MTMR14: variants seen among roughly 807,000 people sequenced by gnomAD.
MTMR14 encodes phosphatidylinositol-3,5-bisphosphate 3-phosphatase MTMR14.
MTMR14 carries 48 observed loss-of-function variants against 86.3 expected under a neutral mutation model. The ratio of observed to expected loss-of-function variants is 0.56; its 90% CI spans 0.44 to 0.71. The LOEUF is 0.71. MTMR14 is among the 30% of genes least tolerant of loss of function. MTMR14 has a pLI of 0.00. For missense variants in MTMR14, 780 were observed against 834.6 expected (o/e 0.93, Z 0.81); for synonymous variants, 366 against 326.1 (o/e 1.12, Z -1.32).
chr3:9,698,529 T>G (rs530817737), intron 18 of MTMR14, among the ~76,000 whole-genome samples: 38 of 152,348 alleles, frequency 2.5e-4, no homozygotes, highest in African/African-American at 8.9e-4. Context: ...GCTCCTCAGC[T>G]GTGGTGCCTG....
At chr3:9,651,507 G>A (rs1171637003) in intron 1 of MTMR14, among the ~76,000 whole-genome samples, 1 of 152,052 alleles carries the variant, frequency 6.6e-6, no homozygotes, top group African/African-American at 2.4e-5. Flanking sequence ...ACCTCATATT[G>A]GCTGCGGCTG....
At position 9,694,304 on chromosome 3, in the gene MTMR14, A is replaced by G. The variant is rs542476947; in HGVS notation, c.1614-3407A>G. On this transcript the variant is annotated intron_variant, in intron 17 of 18. Coordinates refer to ENST00000296003, the MANE Select transcript of MTMR14 (RefSeq NM_001077525.3). ...CTCAGTTATTTTATCCTGTTTTTAA[A>G]GGGGGAAAAATGATTCAGGCCCCCC... 2.0e-5 allele frequency among the ~76,000 whole-genome samples: 3 copies of G among 150,572 alleles called. No homozygotes were observed. In the South Asian group the frequency reaches 6.3e-4, roughly 31 times the overall value.
In MTMR14 at chr3:9,653,748, G is replaced by T. The variant is rs1321180576; in HGVS notation, c.287G>T (p.Ser96Ile). Residue 96 changes from serine to isoleucine, a missense_variant, in exon 2 of 19, where the codon AGT (serine) becomes ATT (isoleucine). Ser to Ile is a moderately radical substitution (Grantham distance 142). Coordinates refer to ENST00000296003, the MANE Select transcript of MTMR14 (RefSeq NM_001077525.3). ...PRHIVFLEYE[S>I]SEKEKDTFES... Reference sequence around the variant, plus strand: ...CACATCGTGTTCCTGGAGTATGAGAGTTCTGAGAAGGAGAAAGACACGTGA... The same window carrying T: ...CACATCGTGTTCCTGGAGTATGAGATTTCTGAGAAGGAGAAAGACACGTGA... The T allele has an allele frequency of 1.9e-6, 3 of 1,614,190 alleles. No homozygotes were observed. The highest frequency in any genetic ancestry group is 2.5e-6 in the Non-Finnish European group (3 of 1,180,032).
chr3:9,697,847 G>T lies in MTMR14; in HGVS notation c.1750G>T (p.Glu584Ter). Residue 584 changes from glutamate (E) to a stop codon, truncating the protein, a stop_gained, in exon 18 of 19, where the codon GAG (glutamate) becomes TAG (stop). Coordinates refer to ENST00000296003, the MANE Select transcript of MTMR14 (RefSeq NM_001077525.3). LOFTEE classifies it high-confidence loss of function. Reference protein sequence around the residue: ...DSSLPFSFPDELPNSCLLAAL... With the variant: ...DSSLPFSFPD ...CTCTCTCCCTTTCAGCTTCCCGGAT[G>T]AGCTCCCTAACAGTTGTCTGTAAGT... 6.2e-7 allele frequency: 1 copy of T among 1,614,188 alleles called. No homozygotes were observed. Among genetic ancestry groups the T allele is most frequent in the Non-Finnish European group, 8.5e-7 (1 of 1,180,048 alleles).
chr3:9,662,082 C>G (rs1190893403), intron 2 of MTMR14, among the ~76,000 whole-genome samples, 185 bp from the exon 3 acceptor site: 2 of 151,310 alleles, frequency 1.3e-5, no homozygotes, highest in African/African-American at 4.9e-5. Flanking sequence ...CAGTGAAACT[C>G]CGTCTCAAAA....
Position 9,669,768 on chromosome 3 carries a change from G to A in MTMR14, c.554+276G>A, listed in dbSNP as rs538536574. ...TTGGGGTTCCTGGTACTGCAGGCCCGAGATAGGGCCCAGACATCTATATTT... is the reference window on the plus strand; with the variant it reads ...TTGGGGTTCCTGGTACTGCAGGCCCAAGATAGGGCCCAGACATCTATATTT... On this transcript the variant is annotated intron_variant, in intron 5 of 18. Transcript: ENST00000296003. Among the ~76,000 whole-genome samples the A allele has an allele frequency of 9.9e-5, 15 of 152,274 alleles. No individual in the cohort carries two copies. The South Asian group carries it at 1.7e-3, about 17-fold the overall frequency.
Position 9,702,089 on chromosome 3 carries a change from T to A in MTMR14, c.*116T>A. ...GGTCAGGGGAAATTTCAGTCCCCCA[T>A]CTCCATCATGAACATGGCAGCCCCA... On this transcript the variant is annotated 3_prime_UTR_variant, in exon 19 of 19. Coordinates refer to ENST00000296003, the MANE Select transcript of MTMR14 (RefSeq NM_001077525.3). 1.5e-6 allele frequency: 2 copies of A among 1,337,462 alleles called. No individual in the cohort carries two copies. Among genetic ancestry groups the A allele is most frequent in the South Asian group, 2.4e-5 (2 of 82,944 alleles). 82.8% of individuals were successfully genotyped at this position (1,337,462 alleles called of 1,614,324 possible).
chr3:9,662,219 T>C, intron 2 of MTMR14, 48 bp from the exon 3 acceptor site: 1 of 1,414,356 alleles, frequency 7.1e-7, no homozygotes. Context: ...ATACACAAAG[T>C]GCCCACTTCA....
chr3:9,679,135 C>T (rs1337984204), intron 9 of MTMR14, among the ~76,000 whole-genome samples: 1 of 152,196 alleles, frequency 6.6e-6, no homozygotes, highest in African/African-American at 2.4e-5. Flanking sequence ...CTATATATAT[C>T]CAGACCCTAA....
At chr3:9,668,357 C>T (rs1196974053) in intron 3 of MTMR14, among the ~76,000 whole-genome samples, 1 of 152,224 alleles carries the variant, frequency 6.6e-6, no homozygotes, top group East Asian at 1.9e-4. Context: ...GTAACAGCAA[C>T]AATGCATGCC....
At chr3:9,692,972 G>T (rs533806881) in intron 17 of MTMR14, among the ~76,000 whole-genome samples, 2 of 152,300 alleles carry the variant, frequency 1.3e-5, no homozygotes, top group South Asian at 4.1e-4. Flanking sequence ...GTGACTTCAT[G>T]ACATGTCACT....
At chr3:9,680,458 C>A (rs1347021182) in intron 9 of MTMR14, among the ~76,000 whole-genome samples, 1 of 152,222 alleles carries the variant, frequency 6.6e-6, no homozygotes, top group Non-Finnish European at 1.5e-5. Flanking sequence ...CCACTGACTT[C>A]CCATTTTCCT....
intron 1 of MTMR14, among the ~76,000 whole-genome samples, chr3:9,652,656 C>T (rs2047366893): frequency 2.0e-5 from 3 of 150,710 alleles, no homozygotes; most frequent in Admixed American, 2.0e-4. Flanking sequence ...GAGATCACAC[C>T]ATTGCACTCT....
In MTMR14 at chr3:9,702,201, C is replaced by T. The variant is rs1202243553; in HGVS notation, c.*228C>T. On this transcript the variant is annotated 3_prime_UTR_variant, in exon 19 of 19. Transcript: ENST00000296003. ...CCCCTTCTTGTCACTGTCTCCCACC[C>T]ACCCCATCTTTGCTGGGATTCCCAT... is the stretch of plus-strand genomic sequence containing the variant. The T allele has an allele frequency of 1.7e-6, 1 of 597,820 alleles. No individual in the cohort carries two copies. Among genetic ancestry groups the T allele is most frequent in the Non-Finnish European group, 3.0e-6 (1 of 333,510 alleles). The allele number at this position is 597,820 out of a possible 1,614,324, so 37.0% of individuals were successfully genotyped here.
chr3:9,697,286 G>C (rs960944184), intron 17 of MTMR14, among the ~76,000 whole-genome samples: 8 of 152,148 alleles, frequency 5.3e-5, no homozygotes, highest in Admixed American at 5.2e-4. Flanking sequence ...TGCCCACCCT[G>C]CAAATCTGCA....
chr3:9,684,908 C>T lies in MTMR14; in HGVS notation c.1071C>T (p.Ser357=), dbSNP rs1384354176. The change falls in exon 12 of 19, where the codon TCC becomes TCT. Residue 357 remains serine (S), a synonymous_variant. Transcript: ENST00000296003. ...TCCAGGATGGGCTCATCCACACGTC[C>T]CTGAAGCCCACTGAGATCCTCTACC... ...SLWADGLIHT[S]LKPTEILYLT... 2 of 1,614,156 alleles carry T rather than the reference C, an allele frequency of 1.2e-6. No homozygotes were observed. Among genetic ancestry groups the T allele is most frequent in the East Asian group, 2.2e-5 (1 of 44,882 alleles).
At chr3:9,668,976 A>G (rs2048415278) in intron 4 of MTMR14, among the ~76,000 whole-genome samples, 182 bp downstream of exon 4, 1 of 151,384 alleles carries the variant, frequency 6.6e-6, no homozygotes, top group Non-Finnish European at 1.5e-5. Context: ...CATCTCTACT[A>G]AAAAATACCA....
At position 9,689,966 on chromosome 3, in the gene MTMR14, G is replaced by A. The variant is rs1354174780; in HGVS notation, c.1436G>A (p.Arg479Lys). 2 of 1,609,510 alleles carry A rather than the reference G, an allele frequency of 1.2e-6. No homozygotes were observed. Among genetic ancestry groups the A allele is most frequent in the East Asian group, 2.2e-5 (1 of 44,850 alleles). ...PAGAPTQAAWRKSHSSSPQSV... is the reference protein window; with the variant it reads ...PAGAPTQAAWKKSHSSSPQSV... ...CAGCCCTGCTCCTTCCACTGCAGGA[G>A]GAAGAGCCACTCATCCTCTCCACAG... Residue 479 changes from arginine to lysine, a missense_variant and splice_region_variant, in exon 17 of 19, where the codon AGG (arginine) becomes AAG (lysine). Arg to Lys is a conservative substitution (Grantham distance 26). Transcript: ENST00000296003.
At chr3:9,697,658 G>C (rs747372744) in intron 17 of MTMR14, 53 bp from the exon 18 acceptor site, 9 of 1,592,344 alleles carry the variant, frequency 5.7e-6, no homozygotes, top group African/African-American at 1.3e-5. Context: ...CAGAGCCTGT[G>C]TCAGGCATAT....
Sources: gnomAD v4.1 joint callset for allele counts (sites outside exome capture counted in the v4.1 genomes callset) on GRCh38, gnomAD v4.1.1 for gene constraint, MANE v1.5 for transcripts, NCBI Gene and HGNC (gene_info 2026-07-23, HGNC 2026-07-21) for gene names.